Variants in VPS37A observed in about 807,000 individuals in gnomAD.
The protein encoded by VPS37A is vacuolar protein sorting-associated protein 37A.
A neutral mutation model predicts 49.8 loss-of-function variants in VPS37A; 30 were observed. The ratio of observed to expected loss-of-function variants is 0.60; its 90% confidence interval spans 0.45 to 0.82. VPS37A has a LOEUF of 0.82. Among genes scored for constraint, VPS37A ranks in the 40% least tolerant of loss-of-function variants. The probability of loss-of-function intolerance (pLI) is 0.00; values close to 1 mark genes in which losing one functional copy is unlikely to be tolerated. For missense variants in VPS37A, 593 were observed against 464.4 expected, an observed-to-expected ratio of 1.28 and a Z score of -2.55; for synonymous variants, 195 against 160.6, an observed-to-expected ratio of 1.21 and a Z score of -1.62.
At chr8:17,266,081 C>T (rs906919426) in intron 2 of VPS37A, 100 bp downstream of exon 2, 37 of 995,086 alleles carry the variant, frequency 3.7e-5, no homozygotes, top group Non-Finnish European at 5.4e-5. Context: ...GAACTTATTT[C>T]AAGTAACTAT....
chr8:17,256,235 A>G (rs1485020395), intron 1 of VPS37A, among the ~76,000 whole-genome samples: 1 of 149,460 alleles, frequency 6.7e-6, no homozygotes, highest in African/African-American at 2.5e-5. Context: ...AATCCTTGCC[A>G]GCATTCGTTA....
At chr8:17,316,228 G>C in the VPS37A span, among the ~76,000 whole-genome samples, 28 of 151,784 alleles carry the variant, frequency 1.8e-4, no homozygotes, top group Admixed American at 1.8e-3. Flanking sequence ...TATTATTTAT[G>C]TTAGCCCTTA....
Position 17,295,118 on chromosome 8 carries a change from G to A in VPS37A, c.*132G>A, listed in dbSNP as rs1280465291. 1 of 152,596 alleles carries A rather than the reference G, an allele frequency of 6.6e-6. No homozygotes were observed. The highest frequency in any genetic ancestry group is 6.5e-5 in the Admixed American group (1 of 15,280). The allele number at this position is 152,596 out of a possible 1,614,324, so 9.5% of individuals were successfully genotyped here. On this transcript the variant is annotated 3_prime_UTR_variant, in exon 12 of 12. Coordinates refer to ENST00000324849, the MANE Select transcript of VPS37A (RefSeq NM_152415.3). ...AGATATCCTATATAGATTGTATACA[G>A]AACTGAGACTGATTTTGTACCGATT... is the stretch of plus-strand genomic sequence containing the variant.
intron 11 of VPS37A, among the ~76,000 whole-genome samples, chr8:17,291,236 C>A (rs1816120570): frequency 6.6e-6 from 1 of 152,192 alleles, no homozygotes; most frequent in Non-Finnish European, 1.5e-5. Context: ...TAGTCTTGAA[C>A]TCCTGACCTC....
chr8:17,253,194 T>G (rs1018869276), intron 1 of VPS37A, among the ~76,000 whole-genome samples: 2 of 152,200 alleles, frequency 1.3e-5, no homozygotes, highest in African/African-American at 4.8e-5. Flanking sequence ...CCCCCCAACC[T>G]GAACTCCTTC....
the VPS37A span, chr8:17,311,732 G>C: frequency 2.6e-6 from 4 of 1,565,092 alleles, no homozygotes; most frequent in Non-Finnish European, 3.5e-6. Flanking sequence ...TTTACAGAAA[G>C]AAACAGCCAA....
intron 9 of VPS37A, among the ~76,000 whole-genome samples, chr8:17,282,390 G>A (rs886255828): frequency 4.6e-5 from 7 of 151,938 alleles, no homozygotes; most frequent in African/African-American, 7.2e-5. Context: ...ACCATAAAAC[G>A]TCAACTAGCT....
chr8:17,258,180 A>G (rs1032982120), intron 1 of VPS37A, among the ~76,000 whole-genome samples: 1 of 152,152 alleles, frequency 6.6e-6, no homozygotes, highest in East Asian at 1.9e-4. Flanking sequence ...GACTTCCACT[A>G]TTATATTGGA....
At chr8:17,313,877 A>C in the VPS37A span, among the ~76,000 whole-genome samples, 2 of 152,170 alleles carry the variant, frequency 1.3e-5, no homozygotes, top group East Asian at 3.9e-4. Context: ...AGCGATCCTA[A>C]ATTTCTTAAA....
the VPS37A span, among the ~76,000 whole-genome samples, chr8:17,325,755 G>A: frequency 6.8e-6 from 1 of 146,526 alleles, no homozygotes. Flanking sequence ...ACCCTATCAC[G>A]AGACAAACAC....
chr8:17,329,834 T>C, the VPS37A span, among the ~76,000 whole-genome samples: 3 of 152,206 alleles, frequency 2.0e-5, no homozygotes, highest in African/African-American at 2.4e-5. Flanking sequence ...GCCCAGGGTA[T>C]GATCACTGTG....
Position 17,280,087 on chromosome 8 carries a change from C to A in VPS37A, c.773C>A (p.Thr258Asn), listed in dbSNP as rs1184896726. ...GAGGTATTACTAGAACAGTTTCTGA[C>A]TTTGCCTCAACTAAAACAAATTATT... ...QEEVLLEQFLTLPQLKQIITD... is the reference protein window; with the variant it reads ...QEEVLLEQFLNLPQLKQIITD... Residue 258 changes from threonine to asparagine, a missense_variant, in exon 7 of 12, where the codon ACT (threonine) becomes AAT (asparagine). Thr to Asn is a moderately conservative substitution (Grantham distance 65). Transcript: ENST00000324849. 5 of 1,612,534 alleles carry A rather than the reference C, an allele frequency of 3.1e-6. No individual in the cohort carries two copies. The highest frequency in any genetic ancestry group is 1.3e-5 in the African/African-American group (1 of 74,870).
chr8:17,270,500 CAA>C (rs968113679), intron 4 of VPS37A, among the ~76,000 whole-genome samples: 6 of 152,026 alleles, frequency 3.9e-5, no homozygotes, highest in South Asian at 4.2e-4. Context: ...GTCAGGATCC[CAA>C]GAGAGAGAGC....
intron 4 of VPS37A, among the ~76,000 whole-genome samples, chr8:17,273,449 C>T (rs1180153236): frequency 1.3e-5 from 2 of 152,170 alleles, no homozygotes; most frequent in South Asian, 2.1e-4. Flanking sequence ...TCACTGCAAG[C>T]TCGGCCTCCC....
intron 10 of VPS37A, among the ~76,000 whole-genome samples, chr8:17,285,643 A>G (rs1034836809): frequency 6.6e-6 from 1 of 152,126 alleles, no homozygotes; most frequent in Non-Finnish European, 1.5e-5. Flanking sequence ...CCCATTTTTC[A>G]TGAGAGGAAA....
the VPS37A span, among the ~76,000 whole-genome samples, chr8:17,329,259 A>G: frequency 6.6e-6 from 1 of 152,202 alleles, no homozygotes; most frequent in Non-Finnish European, 1.5e-5. Flanking sequence ...ACACTTCATC[A>G]TCAGCTCAGC....
the VPS37A span, among the ~76,000 whole-genome samples, chr8:17,319,218 T>A: frequency 4.9e-3 from 746 of 152,330 alleles, 7 homozygotes; most frequent in African/African-American, 0.016. Flanking sequence ...TAACCTGGGC[T>A]AGTTACTGAG....
downstream of VPS37A, chr8:17,306,045 C>A (rs1430651863): frequency 2.0e-6 from 2 of 985,708 alleles, no homozygotes; most frequent in Non-Finnish European, 3.0e-6. Context: ...TAAAAGCAAC[C>A]CTAGTTCCTA....
intron 9 of VPS37A, among the ~76,000 whole-genome samples, chr8:17,283,670 G>T (rs1045375046): frequency 1.3e-5 from 2 of 151,714 alleles, no homozygotes; most frequent in Admixed American, 6.6e-5. Context: ...ATGTGTGAGG[G>T]TTTATTTCTG....
Sources: allele counts gnomAD v4.1 joint callset (sites outside exome capture counted in the v4.1 genomes callset), GRCh38; gene constraint gnomAD v4.1.1; transcripts MANE v1.5; gene names NCBI Gene and HGNC (gene_info 2026-07-23, HGNC 2026-07-21).